ACACA: variants seen among roughly 807,000 people sequenced by gnomAD.
ACACA encodes the protein acetyl-CoA carboxylase 1.
Under a neutral mutation model 296.1 loss-of-function variants are expected in ACACA, and 103 were observed. The observed-to-expected ratio is 0.35, with a 90% CI of 0.30 to 0.41. The LOEUF (loss-of-function observed/expected upper bound fraction) is 0.41, where lower values mean the gene tolerates loss of function less well. Among genes scored for constraint, ACACA ranks in the 10% least tolerant of loss-of-function variants. The pLI is 1.00. For synonymous variants in ACACA, 953 were observed against 1,038.6 expected, an observed-to-expected ratio of 0.92 and a Z score of 1.58; for missense variants, 1,554 against 2,989.7, an observed-to-expected ratio of 0.52 and a Z score of 11.20.
intron 3 of ACACA, among the ~76,000 whole-genome samples, chr17:37,295,912 G>A (rs561251715): frequency 1.3e-5 from 2 of 151,926 alleles, no homozygotes; most frequent in African/African-American, 4.8e-5. Flanking sequence ...GCTAAAGGGC[G>A]AGACTCCATT....
At chr17:37,134,711 A>C (rs1208214799) in intron 45 of ACACA, among the ~76,000 whole-genome samples, 2 of 152,204 alleles carry the variant, frequency 1.3e-5, no homozygotes, top group Non-Finnish European at 2.9e-5. Context: ...GGAATACAAA[A>C]TTCCTCCTGC....
intron 1 of ACACA, among the ~76,000 whole-genome samples, chr17:37,388,156 A>G (rs1291037209): frequency 6.6e-6 from 1 of 151,722 alleles, no homozygotes; most frequent in Non-Finnish European, 1.5e-5. Flanking sequence ...CCAGAGTGAG[A>G]AAAAAAATGC....
rs1324642651 is a variant in ACACA, at chr17:37,086,257, C to G, written c.*1059G>C. ...TACACTCTGGGGAAGAGAGTAGAACCGTTAGCTGCTAGGACAGTAATCCTG... is the reference window on the plus strand; with the variant it reads ...TACACTCTGGGGAAGAGAGTAGAACGGTTAGCTGCTAGGACAGTAATCCTG... On this transcript the variant is annotated 3_prime_UTR_variant, in exon 56 of 56. Coordinates refer to ENST00000616317, the MANE Select transcript of ACACA (RefSeq NM_198834.3). 6.5e-6 allele frequency: 1 copy of G among 154,992 alleles called. No individual in the cohort carries two copies. The highest frequency in any genetic ancestry group is 1.4e-5 in the Non-Finnish European group (1 of 70,078). The allele number at this position is 154,992 out of a possible 1,614,324, so 9.6% of individuals were successfully genotyped here. A position where few individuals can be genotyped will look rare whatever the true frequency, so the allele number is the denominator to read the frequency against.
chr17:37,378,217 G>GA (rs2050092327), intron 1 of ACACA, among the ~76,000 whole-genome samples: 1 of 152,192 alleles, frequency 6.6e-6, no homozygotes, highest in African/African-American at 2.4e-5. Flanking sequence ...CTGCATTAAA[G>GA]AAAAATCTAT....
intron 14 of ACACA, among the ~76,000 whole-genome samples, chr17:37,256,060 T>C (rs1403748513): frequency 6.6e-6 from 1 of 152,170 alleles, no homozygotes; most frequent in Non-Finnish European, 1.5e-5. Context: ...ATTAGCTAAC[T>C]TTTAACAACT....
At chr17:37,256,993 T>G (rs1316093092) in intron 14 of ACACA, among the ~76,000 whole-genome samples, 1 of 152,106 alleles carries the variant, frequency 6.6e-6, no homozygotes, top group African/African-American at 2.4e-5. Context: ...AGATAGATAT[T>G]CCAAAAGATC....
chr17:37,268,078 C>G (rs1438108824), intron 10 of ACACA, among the ~76,000 whole-genome samples: 1 of 152,176 alleles, frequency 6.6e-6, no homozygotes, highest in Admixed American at 6.5e-5. Context: ...CCAAAATTCT[C>G]AATCTTGCCT....
chr17:37,151,460 AC>A, intron 43 of ACACA, 39 bp from the exon 44 acceptor site: 1 of 1,610,446 alleles, frequency 6.2e-7, no homozygotes, highest in Non-Finnish European at 8.5e-7. Context: ...AATGTTAAAC[AC>A]AGTAACAACA....
rs1219561267 is a variant in ACACA, at chr17:37,260,284, ATATATATATATATT to A, written c.1330-768_1330-755del. On this transcript the variant is annotated intron_variant, in intron 11 of 55. Transcript: ENST00000616317. Reference sequence around the variant, plus strand: ...TATATATATATATATATATATATATATATATATATATATTTTTTTTTTTTTTTTTTTTGGAGATG... The same window carrying A: ...TATATATATATATATATATATATATATTTTTTTTTTTTTTTTTTGGAGATG... Among the ~76,000 whole-genome samples the A allele has an allele frequency of 2.1e-3, 92 of 43,438 alleles. 10 individuals carry two copies. Among genetic ancestry groups the A allele is most frequent in the African/African-American group, 0.011 (83 of 7,648 alleles). 28.5% of individuals were successfully genotyped at this position (43,438 alleles called of 152,430 possible).
chr17:37,384,092 C>T (rs752028500), intron 1 of ACACA, among the ~76,000 whole-genome samples: 26 of 152,104 alleles, frequency 1.7e-4, no homozygotes, highest in African/African-American at 4.8e-5. Flanking sequence ...AGTGAAACCC[C>T]GTCTCTACTA....
intron 15 of ACACA, among the ~76,000 whole-genome samples, chr17:37,252,339 C>T (rs1392831852): frequency 1.3e-5 from 2 of 152,220 alleles, no homozygotes; most frequent in African/African-American, 2.4e-5. Flanking sequence ...CTCCCTAAGA[C>T]TTCCACTTAG....
chr17:37,213,813 C>T (rs1458462131), intron 29 of ACACA, among the ~76,000 whole-genome samples: 4 of 125,172 alleles, frequency 3.2e-5, no homozygotes, highest in Non-Finnish European at 6.2e-5. Context: ...TCAGAGTTGC[C>T]GCTGCTAGCT....
Position 37,294,738 on chromosome 17 carries a change from A to C in ACACA, c.339-9768T>G, listed in dbSNP as rs150746607. Among the ~76,000 whole-genome samples the C allele has an allele frequency of 6.9e-3, 1,050 of 152,338 alleles. 11 individuals carry two copies. The highest frequency in any genetic ancestry group is 9.8e-3 in the Non-Finnish European group (670 of 68,032). ...GAGAAAATTCTAAGGAGGGCTTAAT[A>C]CTAGACCTCAGAACTCTGCCTAGGG... On this transcript the variant is annotated intron_variant, in intron 3 of 55. Transcript: ENST00000616317.
intron 10 of ACACA, among the ~76,000 whole-genome samples, chr17:37,265,696 C>A (rs2081734209): frequency 6.6e-6 from 1 of 152,120 alleles, no homozygotes; most frequent in African/African-American, 2.4e-5. Context: ...ACTCCAGGGT[C>A]AGGAATGCTT....
At chr17:37,179,043 C>G (rs1187959727) in intron 41 of ACACA, among the ~76,000 whole-genome samples, 2 of 152,068 alleles carry the variant, frequency 1.3e-5, no homozygotes, top group African/African-American at 2.4e-5. Context: ...AAAACTGAGT[C>G]CTTTGTGTTA....
At chr17:37,102,185 A>T (rs1019265633) in intron 52 of ACACA, among the ~76,000 whole-genome samples, 7 of 150,988 alleles carry the variant, frequency 4.6e-5, no homozygotes, top group African/African-American at 1.7e-4. Flanking sequence ...GGACTTCCCC[A>T]ATGGCATCCA....
At chr17:37,225,369 C>A (rs1369029643) in intron 26 of ACACA, 4 of 428,280 alleles carry the variant, frequency 9.3e-6, no homozygotes, top group Non-Finnish European at 1.7e-5. Flanking sequence ...AAAACAGCTT[C>A]GATCAAGTTC....
intron 45 of ACACA, among the ~76,000 whole-genome samples, chr17:37,149,070 T>A (rs1318982212): frequency 6.6e-6 from 1 of 152,266 alleles, no homozygotes; most frequent in African/African-American, 2.4e-5. Flanking sequence ...AGAACTGCAC[T>A]GTCCTTTATA....
rs919848287 is a variant in ACACA at position 37,197,155 on chromosome 17, C to G, written c.4158+2984G>C. On this transcript the variant is annotated intron_variant, in intron 35 of 55. Coordinates refer to ENST00000616317, the MANE Select transcript of ACACA (RefSeq NM_198834.3). Reference sequence around the variant, plus strand: ...ATGTTTTAAAGCTGTGGGCAGCTATCTGGGACAACTGTGGCTAAACTACGA... The same window carrying G: ...ATGTTTTAAAGCTGTGGGCAGCTATGTGGGACAACTGTGGCTAAACTACGA... Among the ~76,000 whole-genome samples the G allele has an allele frequency of 5.9e-5, 9 of 152,208 alleles. No homozygotes were observed. The East Asian group carries it at 1.7e-3, about 29-fold the overall frequency.
Sources: allele counts gnomAD v4.1 joint callset (sites outside exome capture counted in the v4.1 genomes callset), GRCh38; gene constraint gnomAD v4.1.1; transcripts MANE v1.5; gene names NCBI Gene and HGNC (gene_info 2026-07-23, HGNC 2026-07-21).